Variants in RIT2 observed in about 807,000 individuals in gnomAD.
RIT2 encodes the protein Ras like without CAAX 2.
A neutral mutation model predicts 23.7 loss-of-function variants in RIT2; 24 were observed. The ratio of observed to expected loss-of-function variants is 1.01; its 90% CI spans 0.73 to 1.43. The LOEUF (loss-of-function observed/expected upper bound fraction) is 1.43. RIT2 is among the 40% of genes most tolerant of loss of function. The probability of loss-of-function intolerance (pLI) is 0.00; values close to 1 mark genes in which losing one functional copy is unlikely to be tolerated. For missense variants in RIT2, 236 were observed against 266.9 expected (o/e 0.88, Z 0.81); for synonymous variants, 107 against 91.1 (o/e 1.17, Z -0.99).
chr18:42,944,418 A>G (rs1909676009), intron 3 of RIT2, among the ~76,000 whole-genome samples: 1 of 152,084 alleles, frequency 6.6e-6, no homozygotes, highest in Admixed American at 6.6e-5. Context: ...TATGTTTCCT[A>G]TATTTGCAGC....
intron 4 of RIT2, among the ~76,000 whole-genome samples, chr18:42,917,671 A>G (rs747249655): frequency 2.6e-5 from 4 of 152,172 alleles, no homozygotes; most frequent in Admixed American, 6.6e-5. Context: ...GTTCAAACTT[A>G]AATAAAATCC....
chr18:42,923,255 G>A (rs964898877), intron 4 of RIT2: 2 of 212,548 alleles, frequency 9.4e-6, no homozygotes, highest in Non-Finnish European at 1.9e-5. Context: ...CAGTTCAAGC[G>A]GCAATGGCAG....
chr18:43,001,391 T>TATAA (rs1169474690), intron 2 of RIT2, among the ~76,000 whole-genome samples: 4 of 151,996 alleles, frequency 2.6e-5, no homozygotes, highest in African/African-American at 9.7e-5. Context: ...ATTTTAGCTC[T>TATAA]ATATAAGGAA....
chr18:42,982,238 T>C (rs578201047), intron 2 of RIT2, among the ~76,000 whole-genome samples: 69 of 152,280 alleles, frequency 4.5e-4, no homozygotes, highest in African/African-American at 1.6e-3. Flanking sequence ...CCTGGAGTTC[T>C]GAAGTCCAGC....
At chr18:43,006,656 G>A (rs1448562525) in intron 2 of RIT2, among the ~76,000 whole-genome samples, 1 of 150,544 alleles carries the variant, frequency 6.6e-6, no homozygotes, top group Non-Finnish European at 1.5e-5. Flanking sequence ...TGTTTAAAAA[G>A]GAAAATAAAC....
At chr18:43,047,375 G>A (rs1017377173) in intron 1 of RIT2, among the ~76,000 whole-genome samples, 1 of 151,840 alleles carries the variant, frequency 6.6e-6, no homozygotes, top group Non-Finnish European at 1.5e-5. Flanking sequence ...TCAAATTATA[G>A]AATTAAAAAT....
chr18:43,016,369 T>C (rs1344575552), intron 2 of RIT2, among the ~76,000 whole-genome samples: 2 of 151,902 alleles, frequency 1.3e-5, no homozygotes, highest in Non-Finnish European at 2.9e-5. Context: ...AGTTTCATTT[T>C]TGTTTTTAAA....
At chr18:42,875,402 A>G (rs1907721109) in intron 4 of RIT2, among the ~76,000 whole-genome samples, 1 of 151,556 alleles carries the variant, frequency 6.6e-6, no homozygotes, top group Non-Finnish European at 1.5e-5. Flanking sequence ...ATGAGAGAGA[A>G]TATACAGAGG....
chr18:43,110,357 G>T (rs1913925223), intron 1 of RIT2, among the ~76,000 whole-genome samples: 1 of 151,808 alleles, frequency 6.6e-6, no homozygotes, highest in South Asian at 2.1e-4. Flanking sequence ...TGGAAAATAA[G>T]ATATTATTTT....
At chr18:42,877,928 T>A (rs1185930925) in intron 4 of RIT2, among the ~76,000 whole-genome samples, 1 of 151,806 alleles carries the variant, frequency 6.6e-6, no homozygotes, top group Non-Finnish European at 1.5e-5. Flanking sequence ...AAGAAATATT[T>A]AAAAAATAAT....
chr18:43,025,357 C>A (rs1483404283), intron 2 of RIT2, among the ~76,000 whole-genome samples: 1 of 151,242 alleles, frequency 6.6e-6, no homozygotes, highest in Non-Finnish European at 1.5e-5. Flanking sequence ...ACAAACTCTG[C>A]AGAAAATGAT....
At chr18:42,999,165 TTTAAAC>T (rs1348632265) in intron 2 of RIT2, among the ~76,000 whole-genome samples, 1 of 152,100 alleles carries the variant, frequency 6.6e-6, no homozygotes. Flanking sequence ...AGTTCTTCAG[TTTAAAC>T]TTAAATATCT....
At chr18:42,783,973 T>C (rs1913870340) in intron 4 of RIT2, among the ~76,000 whole-genome samples, 1 of 152,052 alleles carries the variant, frequency 6.6e-6, no homozygotes. Context: ...TCAGCACTCC[T>C]GTACTTCTAG....
intron 2 of RIT2, among the ~76,000 whole-genome samples, chr18:43,019,507 C>T (rs1435131675): frequency 6.6e-6 from 1 of 151,234 alleles, no homozygotes; most frequent in East Asian, 2.0e-4. Flanking sequence ...AAAAAAAAAC[C>T]CCAAAAACTA....
chr18:43,095,012 C>A (rs577184339), intron 1 of RIT2, among the ~76,000 whole-genome samples: 269 of 152,004 alleles, frequency 1.8e-3, no homozygotes, highest in Non-Finnish European at 3.5e-3. Flanking sequence ...AATTGTGCTG[C>A]AATAAACATA....
At chr18:43,024,294 C>A (rs1227556880) in intron 2 of RIT2, among the ~76,000 whole-genome samples, 1 of 151,970 alleles carries the variant, frequency 6.6e-6, no homozygotes, top group African/African-American at 2.4e-5. Flanking sequence ...TCAAGGAAAA[C>A]ATACACTGGA....
At chr18:42,898,688 C>T (rs534956710) in intron 4 of RIT2, among the ~76,000 whole-genome samples, 3 of 152,184 alleles carry the variant, frequency 2.0e-5, no homozygotes, top group African/African-American at 4.8e-5. Flanking sequence ...CTCCAGAATC[C>T]GATTCTGGTT....
At chr18:42,935,752 A>T (rs1909439103) in intron 3 of RIT2, among the ~76,000 whole-genome samples, 1 of 152,064 alleles carries the variant, frequency 6.6e-6, no homozygotes, top group Non-Finnish European at 1.5e-5. Context: ...GAAAGTAGGG[A>T]TTTACTGAAG....
intron 4 of RIT2, among the ~76,000 whole-genome samples, chr18:42,832,152 A>T (rs1366276745): frequency 6.6e-6 from 1 of 152,224 alleles, no homozygotes; most frequent in East Asian, 1.9e-4. Context: ...AAACAAATGA[A>T]GCAGCAAGGA....
Sources: allele counts gnomAD v4.1 joint callset (sites outside exome capture counted in the v4.1 genomes callset), GRCh38; gene constraint gnomAD v4.1.1; transcripts MANE v1.5; gene names NCBI Gene and HGNC (gene_info 2026-07-23, HGNC 2026-07-21).